SEPTIN2: variants seen among roughly 807,000 people sequenced by gnomAD.
SEPTIN2 encodes the protein septin 2.
SEPTIN2 carries 34 observed loss-of-function variants against 46.5 expected under a neutral mutation model. That is an observed-to-expected ratio of 0.73 (90% CI 0.56 to 0.97). The LOEUF is 0.97. SEPTIN2 is among the 50% of genes least tolerant of loss of function. SEPTIN2 has a pLI of 0.00. For missense variants in SEPTIN2, 347 were observed against 448.4 expected (o/e 0.77, Z 2.04); for synonymous variants, 175 against 153.4 (o/e 1.14, Z -1.04).
chr2:241,346,053 A>G (rs948260919), intron 9 of SEPTIN2, 113 bp from the exon 10 acceptor site: 6 of 691,308 alleles, frequency 8.7e-6, no homozygotes, highest in African/African-American at 5.4e-5. Context: ...TGTACAATTT[A>G]CCAAGTAATT....
At chr2:241,325,961 T>C (rs531198842) in intron 2 of SEPTIN2, 32 bp from the exon 3 acceptor site, 129 of 1,599,916 alleles carry the variant, frequency 8.1e-5, no homozygotes, top group Admixed American at 1.4e-4. Flanking sequence ...CTAAGGTGTT[T>C]ATTAGTTTGT....
intron 3 of SEPTIN2, among the ~76,000 whole-genome samples, chr2:241,327,359 A>G (rs570076590): frequency 6.6e-6 from 1 of 152,076 alleles, no homozygotes; most frequent in Non-Finnish European, 1.5e-5. Flanking sequence ...GCCTGACAGC[A>G]CATTATACAC....
intron 1 of SEPTIN2, among the ~76,000 whole-genome samples, chr2:241,317,807 T>G (rs1286933035): frequency 6.6e-6 from 1 of 152,180 alleles, no homozygotes; most frequent in African/African-American, 2.4e-5. Flanking sequence ...TTGCGAAAAT[T>G]GGTTTTTTAT....
At chr2:241,342,868 C>T (rs1396666209) in intron 7 of SEPTIN2, 124 bp from the exon 8 acceptor site, 11 of 624,308 alleles carry the variant, frequency 1.8e-5, no homozygotes, top group Admixed American at 5.8e-5. Flanking sequence ...CAGTAACTTT[C>T]GTCATCAGTT....
At chr2:241,315,794 G>T (rs2076073530), upstream of SEPTIN2, 1 of 152,494 alleles carries the variant, frequency 6.6e-6, no homozygotes, top group Non-Finnish European at 1.5e-5. Context: ...GGCCGCATGG[G>T]GGAGGGGAAG....
At chr2:241,329,110 G>C (rs534626596) in intron 3 of SEPTIN2, among the ~76,000 whole-genome samples, 2 of 151,764 alleles carry the variant, frequency 1.3e-5, no homozygotes, top group African/African-American at 4.8e-5. Context: ...TGTTGTTGTT[G>C]TTTTGTTTGT....
At chr2:241,343,927 G>A in intron 9 of SEPTIN2, 30 bp downstream of exon 9, 1 of 1,612,054 alleles carries the variant, frequency 6.2e-7, no homozygotes, top group South Asian at 1.1e-5. Flanking sequence ...CCTTCTGGCA[G>A]AATTTGGCGT....
Position 241,337,761 on chromosome 2 carries a change from C to T in SEPTIN2, c.565C>T (p.Leu189=), listed in dbSNP as rs749965914. ...CATTGCAAAAGCTGACACTCTCACC[C>T]TGAAGGAACGGGAGCGGCTGAAGAA... ...PVIAKADTLT[L]KERERLKKRI... The change falls in exon 7 of 13, where the codon CTG becomes TTG. Residue 189 remains leucine, a synonymous_variant. Coordinates refer to ENST00000391971, the MANE Select transcript of SEPTIN2 (RefSeq NM_004404.5). The T allele has an allele frequency of 6.2e-7, 1 of 1,613,982 alleles. No homozygotes were observed. Among genetic ancestry groups the T allele is most frequent in the Admixed American group, 1.7e-5 (1 of 59,994 alleles).
intron 7 of SEPTIN2, among the ~76,000 whole-genome samples, chr2:241,338,783 ATAT>A (rs1473005147): frequency 1.8e-5 from 2 of 111,254 alleles, no homozygotes; most frequent in East Asian, 2.2e-4. Context: ...TATTATATTT[ATAT>A]TATTTATATA....
In SEPTIN2 at chr2:241,335,330, A is replaced by G. The variant is rs546963904; in HGVS notation, c.217+118A>G. ...TGTTTGTTCTTGTTCAGCTTTGAAC[A>G]CAAGGAAAACACTTTTATGGGGTAG... On this transcript the variant is annotated intron_variant, in intron 4 of 12. Transcript: ENST00000391971. The G allele has an allele frequency of 3.2e-6, 5 of 1,554,188 alleles. No individual in the cohort carries two copies. In the African/African-American group the frequency reaches 6.8e-5, roughly 21 times the overall value.
chr2:241,333,320 A>G (rs555778514), intron 3 of SEPTIN2, among the ~76,000 whole-genome samples: 1 of 152,336 alleles, frequency 6.6e-6, no homozygotes, highest in East Asian at 1.9e-4. Context: ...TCAGACTTCT[A>G]AAGAAACAGG....
At chr2:241,336,404 G>A (rs1298778736) in intron 5 of SEPTIN2, 2 of 317,544 alleles carry the variant, frequency 6.3e-6, no homozygotes, top group Non-Finnish European at 1.2e-5. Context: ...CTTTCTATGT[G>A]GAAGGAAGTG....
intron 1 of SEPTIN2, chr2:241,317,747 AC>A (rs201068771): frequency 0.16 from 26,943 of 172,242 alleles, 2,389 homozygotes; most frequent in Middle Eastern, 0.27. Context: ...AAGATCATGG[AC>A]CTTCCGGGTT....
intron 2 of SEPTIN2, chr2:241,324,774 C>T: frequency 6.5e-6 from 1 of 154,854 alleles, no homozygotes; most frequent in Admixed American, 6.5e-5. Context: ...CCTTTTGGCC[C>T]CCTTAGTTCA....
chr2:241,335,360 G>C lies in SEPTIN2; in HGVS notation c.217+148G>C, dbSNP rs1172985788. On this transcript the variant is annotated intron_variant, in intron 4 of 12. Coordinates refer to ENST00000391971, the MANE Select transcript of SEPTIN2 (RefSeq NM_004404.5). ...GAAAACACTTTTATGGGGTAGGTGT[G>C]CTGCACCGAGGTCCTTGGATTTGGG... 14 of 1,552,318 alleles carry C rather than the reference G, an allele frequency of 9.0e-6. No individual in the cohort carries two copies. In the South Asian group the frequency reaches 1.5e-4, roughly 17 times the overall value.
intron 2 of SEPTIN2, chr2:241,324,486 C>G (rs1477898927): frequency 4.1e-6 from 2 of 483,966 alleles, no homozygotes; most frequent in Non-Finnish European, 7.7e-6. Flanking sequence ...CTCCCACGTT[C>G]AAGCGATTCC....
chr2:241,347,871 T>G (rs1575396654), intron 10 of SEPTIN2, among the ~76,000 whole-genome samples: 1 of 152,172 alleles, frequency 6.6e-6, no homozygotes, highest in East Asian at 1.9e-4. Flanking sequence ...AAAAATTAGC[T>G]GGGCGTGGTA....
intron 7 of SEPTIN2, among the ~76,000 whole-genome samples, chr2:241,338,753 A>G (rs2080583029): frequency 9.2e-6 from 1 of 109,144 alleles, no homozygotes; most frequent in African/African-American, 3.8e-5. Context: ...TATATGTAAT[A>G]TATTTATATT....
At chr2:241,316,564 A>G in intron 1 of SEPTIN2, 1 of 1,511,748 alleles carries the variant, frequency 6.6e-7, no homozygotes, top group Non-Finnish European at 8.8e-7. Flanking sequence ...AGGCACGGAC[A>G]GGCAGCAGGG....
Sources: gnomAD v4.1 joint callset for allele counts (sites outside exome capture counted in the v4.1 genomes callset) on GRCh38, gnomAD v4.1.1 for gene constraint, MANE v1.5 for transcripts, NCBI Gene and HGNC (gene_info 2026-07-23, HGNC 2026-07-21) for gene names.